DIAPH2: variants seen among roughly 807,000 people sequenced by gnomAD.
DIAPH2 encodes the protein diaphanous related formin 2, also known as protein diaphanous homolog 2.
DIAPH2 carries 35 observed loss-of-function variants against 92.7 expected under a neutral mutation model. That is an observed-to-expected ratio of 0.38 (90% CI 0.29 to 0.50). DIAPH2 has a LOEUF of 0.50. Ranked by LOEUF, DIAPH2 falls within the 20% of genes least tolerant of loss-of-function variation. The pLI, the probability that DIAPH2 is intolerant of heterozygous loss-of-function variation, is 0.94. For synonymous variants in DIAPH2, 301 were observed against 280.4 expected, an observed-to-expected ratio of 1.07 and a Z score of -0.73; for missense variants, 701 against 819.5, an observed-to-expected ratio of 0.86 and a Z score of 1.77.
chrX:96,693,448 G>A (rs1279577512), intron 1 of DIAPH2, among the ~76,000 whole-genome samples: 2 of 112,214 alleles, frequency 1.8e-5, no homozygotes, highest in Non-Finnish European at 3.8e-5. Flanking sequence ...CTATTGTGCT[G>A]GCTGAAACTG....
At chrX:97,354,459 AC>A (rs2069246253) in intron 24 of DIAPH2, among the ~76,000 whole-genome samples, 1 of 110,453 alleles carries the variant, frequency 9.1e-6, no homozygotes, top group South Asian at 3.9e-4. Context: ...TGCAACCTCC[AC>A]CCCCTGGGTT....
intron 23 of DIAPH2, among the ~76,000 whole-genome samples, chrX:97,269,134 CG>C (rs978370023): frequency 3.6e-5 from 4 of 111,769 alleles, no homozygotes; most frequent in Non-Finnish European, 7.5e-5. Flanking sequence ...GGATTACAGG[CG>C]TGAGCCACCG....
At chrX:96,806,179 C>T (rs958465697) in intron 4 of DIAPH2, among the ~76,000 whole-genome samples, 28 of 111,504 alleles carry the variant, frequency 2.5e-4, no homozygotes, top group Admixed American at 3.8e-4. Flanking sequence ...ACCTAATAGT[C>T]GTGTCACAAA....
At chrX:97,333,969 C>T (rs901761181) in intron 23 of DIAPH2, among the ~76,000 whole-genome samples, 1 of 111,481 alleles carries the variant, frequency 9.0e-6, no homozygotes, top group African/African-American at 3.3e-5. Context: ...AATTATCCTT[C>T]TCCTGTTGCC....
intron 22 of DIAPH2, among the ~76,000 whole-genome samples, chrX:97,175,969 G>C (rs1003873634): frequency 2.7e-5 from 3 of 112,313 alleles, no homozygotes; most frequent in Non-Finnish European, 5.6e-5. Flanking sequence ...AATTGGTAGA[G>C]TTATCCTTCA....
intron 1 of DIAPH2, among the ~76,000 whole-genome samples, chrX:96,715,804 A>C (rs1055650587): frequency 8.9e-6 from 1 of 111,775 alleles, no homozygotes; most frequent in Non-Finnish European, 1.9e-5. Flanking sequence ...GTATTTAAAC[A>C]TAGCCAAAAG....
chrX:96,717,556 A>G (rs1461765294), intron 1 of DIAPH2, among the ~76,000 whole-genome samples: 1 of 100,995 alleles, frequency 9.9e-6, no homozygotes, highest in Non-Finnish European at 2.0e-5. Context: ...TTTTGCTGTG[A>G]AATCCACTTT....
rs902426161 is a variant in DIAPH2 at position 97,328,571 on chromosome X, G to T, written c.2845-19545G>T. ...TCAGTAAACATCTCAGTTTCAATCT[G>T]ATTTAGATAAATGTGATTTTTTAAG... is the stretch of plus-strand genomic sequence containing the variant. On this transcript the variant is annotated intron_variant, in intron 23 of 26. Coordinates refer to ENST00000324765, the MANE Select transcript of DIAPH2 (RefSeq NM_006729.5). Among the ~76,000 whole-genome samples, 3 of 111,692 alleles carry T rather than the reference G, an allele frequency of 2.7e-5. No homozygotes were observed. The East Asian group carries it at 8.4e-4, about 31-fold the overall frequency.
At chrX:97,145,904 A>G (rs1374831477) in intron 22 of DIAPH2, among the ~76,000 whole-genome samples, 1 of 107,789 alleles carries the variant, frequency 9.3e-6, no homozygotes, top group Non-Finnish European at 1.9e-5. Context: ...GTACGATTTC[A>G]TGCTGCATCC....
chrX:96,749,144 AAAT>A (rs1219918364), intron 3 of DIAPH2, among the ~76,000 whole-genome samples: 107 of 72,695 alleles, frequency 1.5e-3, no homozygotes, highest in African/African-American at 5.0e-3. Flanking sequence ...AAAAAAAAAA[AAAT>A]ATATATATAT....
chrX:97,105,601 C>T (rs937235805), intron 20 of DIAPH2, among the ~76,000 whole-genome samples: 5 of 111,948 alleles, frequency 4.5e-5, no homozygotes, highest in Non-Finnish European at 9.4e-5. Context: ...TTCTGAGTGT[C>T]TTTGCAGCTC....
chrX:97,413,093 A>G (rs1202647167), intron 25 of DIAPH2, among the ~76,000 whole-genome samples: 1 of 111,883 alleles, frequency 8.9e-6, no homozygotes, highest in Non-Finnish European at 1.9e-5. Context: ...CCTGGCAGAG[A>G]CACAACCAAA....
chrX:97,187,348 T>A (rs771233887), intron 22 of DIAPH2, among the ~76,000 whole-genome samples: 34 of 88,994 alleles, frequency 3.8e-4, no homozygotes, highest in Non-Finnish European at 6.9e-4. Context: ...GCAGTGGTGC[T>A]CACTGCAACC....
intron 26 of DIAPH2, among the ~76,000 whole-genome samples, chrX:97,441,511 A>G (rs2070257868): frequency 9.0e-6 from 1 of 111,040 alleles, no homozygotes; most frequent in Non-Finnish European, 1.9e-5. Context: ...TTTATTTTTA[A>G]ATGAAAATTA....
chrX:97,171,803 T>A (rs1367104485), intron 22 of DIAPH2, among the ~76,000 whole-genome samples: 1 of 110,171 alleles, frequency 9.1e-6, no homozygotes. Flanking sequence ...AGCCAGGCGT[T>A]GGGGCGGGCG....
Position 97,334,576 on chromosome X carries a change from A to G in DIAPH2, c.2845-13540A>G, listed in dbSNP as rs750551474. On this transcript the variant is annotated intron_variant, in intron 23 of 26. Coordinates refer to ENST00000324765, the MANE Select transcript of DIAPH2 (RefSeq NM_006729.5). ...ATAGAAAAATCCTTTCCATACCTCA[A>G]GATGGAATTTGGAAGTTACTTCCTT... is the stretch of plus-strand genomic sequence containing the variant. 1.0e-3 allele frequency among the ~76,000 whole-genome samples: 111 copies of G among 110,438 alleles called. 1 individual carries two copies. The highest frequency in any genetic ancestry group is 3.5e-3 in the African/African-American group (106 of 30,462).
chrX:97,034,389 A>G (rs6523069), intron 17 of DIAPH2, among the ~76,000 whole-genome samples: 1 of 110,282 alleles, frequency 9.1e-6, no homozygotes, highest in Non-Finnish European at 1.9e-5. Flanking sequence ...GTATATACAG[A>G]ACAGATTTTT....
At chrX:97,031,326 C>T (rs2066372501) in intron 17 of DIAPH2, among the ~76,000 whole-genome samples, 1 of 74,871 alleles carries the variant, frequency 1.3e-5, no homozygotes, top group Non-Finnish European at 2.3e-5. Context: ...TAACCTTAGG[C>T]ATTCATTGGA....
At chrX:96,887,406 C>T (rs1211852975) in intron 5 of DIAPH2, among the ~76,000 whole-genome samples, 1 of 111,031 alleles carries the variant, frequency 9.0e-6, no homozygotes, top group Non-Finnish European at 1.9e-5. Flanking sequence ...GATACAAATC[C>T]TGGGGACATA....
Sources: allele counts gnomAD v4.1 joint callset (sites outside exome capture counted in the v4.1 genomes callset), GRCh38; gene constraint gnomAD v4.1.1; transcripts MANE v1.5; gene names NCBI Gene and HGNC (gene_info 2026-07-23, HGNC 2026-07-21).